BCAS3: variants seen among roughly 807,000 people sequenced by gnomAD.
BCAS3 encodes BCAS3 microtubule associated cell migration factor, also known as BCAS4/BCAS3 fusion.
Under a neutral mutation model 116.1 loss-of-function variants are expected in BCAS3, and 53 were observed. The ratio of observed to expected loss-of-function variants is 0.46; its 90% CI spans 0.37 to 0.57. The LOEUF is 0.57. Among genes scored for constraint, BCAS3 ranks in the 20% least tolerant of loss-of-function variants. The probability of loss-of-function intolerance (pLI) is 0.00; values close to 1 mark genes in which losing one functional copy is unlikely to be tolerated. For missense variants in BCAS3, 917 were observed against 1,165.4 expected (o/e 0.79, Z 3.10); for synonymous variants, 391 against 408.2 (o/e 0.96, Z 0.51).
At chr17:61,146,719 A>AGATT (rs2077236561) in intron 22 of BCAS3, among the ~76,000 whole-genome samples, 1 of 152,168 alleles carries the variant, frequency 6.6e-6, no homozygotes. Context: ...TAAAAAGATG[A>AGATT]GATTGTAAGT....
intron 22 of BCAS3, among the ~76,000 whole-genome samples, chr17:61,176,140 A>G (rs1013255434): frequency 5.3e-5 from 7 of 132,496 alleles, no homozygotes; most frequent in Admixed American, 7.2e-5. Context: ...CCCTATCTCA[A>G]AAAAAAAAAA....
rs1568702881 is a variant in BCAS3 at position 61,265,697 on chromosome 17, T to TG, written c.2426-102630_2426-102629insG. The stretch of plus-strand genomic sequence containing the variant: ...AACTATGTAACACCATCATTCTTTT[T>TG]TCCCCCCCATCAAGTAGTATATCTG... On this transcript the variant is annotated intron_variant, in intron 22 of 23. Transcript: ENST00000407086. This position sits in a 1 kb window ranked among gnomAD's most constrained non-coding sequence, Gnocchi z 4.3. Among the ~76,000 whole-genome samples, 1 of 81,052 alleles carries TG rather than the reference T, an allele frequency of 1.2e-5. No individual in the cohort carries two copies. The highest frequency in any genetic ancestry group is 5.6e-4 in the East Asian group (1 of 1,772). 53.2% of individuals were successfully genotyped at this position (81,052 alleles called of 152,430 possible). A position where few individuals can be genotyped will look rare whatever the true frequency, so the allele number is the denominator to read the frequency against.
chr17:61,163,556 A>G (rs2078295878), intron 22 of BCAS3, among the ~76,000 whole-genome samples: 1 of 152,176 alleles, frequency 6.6e-6, no homozygotes, highest in Non-Finnish European at 1.5e-5. Context: ...GATCTGAAGT[A>G]TAATTACAGT....
chr17:60,959,543 A>G (rs1005478160), intron 14 of BCAS3, among the ~76,000 whole-genome samples: 2 of 152,198 alleles, frequency 1.3e-5, no homozygotes, highest in Admixed American at 1.3e-4. Context: ...TATTTCATAC[A>G]TTGCTGTTGG....
intron 7 of BCAS3, among the ~76,000 whole-genome samples, chr17:60,859,100 A>C (rs2053932776): frequency 6.6e-6 from 1 of 152,224 alleles, no homozygotes; most frequent in Non-Finnish European, 1.5e-5. Flanking sequence ...TGACATTAAA[A>C]TTAAACATTA....
Position 61,180,987 on chromosome 17 carries a change from G to T in BCAS3, c.2425+96423G>T, listed in dbSNP as rs1239848136. Among the ~76,000 whole-genome samples, 1 of 152,110 alleles carries T rather than the reference G, an allele frequency of 6.6e-6. No individual in the cohort carries two copies. The highest frequency in any genetic ancestry group is 6.5e-5 in the Admixed American group (1 of 15,280). ...AATCTTAGCACTTTGGGAGGCTGGGGTGGGGGGATCACTTGAGCCCAAGAG... is the reference window on the plus strand; with the variant it reads ...AATCTTAGCACTTTGGGAGGCTGGGTTGGGGGGATCACTTGAGCCCAAGAG... On this transcript the variant is annotated intron_variant, in intron 22 of 23. Coordinates refer to ENST00000407086, the MANE Select transcript of BCAS3 (RefSeq NM_017679.5). This position sits in a 1 kb window ranked among gnomAD's most constrained non-coding sequence, Gnocchi z 6.0.
intron 5 of BCAS3, among the ~76,000 whole-genome samples, chr17:60,731,406 T>A (rs908275703): frequency 6.6e-6 from 1 of 152,102 alleles, no homozygotes; most frequent in Non-Finnish European, 1.5e-5. Flanking sequence ...AGAGATGGGG[T>A]TTCGCCATGT....
chr17:61,030,989 A>G (rs1441491294), intron 16 of BCAS3, among the ~76,000 whole-genome samples: 1 of 152,022 alleles, frequency 6.6e-6, no homozygotes, highest in African/African-American at 2.4e-5. Context: ...TAATCAATAC[A>G]GTTAAACTTT....
chr17:61,255,699 A>G (rs1190952069), intron 22 of BCAS3, among the ~76,000 whole-genome samples: 1 of 152,206 alleles, frequency 6.6e-6, no homozygotes, highest in Non-Finnish European at 1.5e-5. Flanking sequence ...GGAAGCCTAG[A>G]CTATTTCTTC....
chr17:61,017,471 A>G lies in BCAS3; in HGVS notation c.1637+1570A>G, dbSNP rs1833226247. ...ACCATCCTCAAAATTGTTTCTCTGT[A>G]ATTTAATTTTATATTCAGAGTGAGG... On this transcript the variant is annotated intron_variant, in intron 16 of 23. Transcript: ENST00000407086. This position sits in a 1 kb window ranked among gnomAD's most constrained non-coding sequence, Gnocchi z 4.7. Among the ~76,000 whole-genome samples, 1 of 152,136 alleles carries G rather than the reference A, an allele frequency of 6.6e-6. No homozygotes were observed. The highest frequency in any genetic ancestry group is 6.6e-5 in the Admixed American group (1 of 15,258).
At position 61,014,385 on chromosome 17, in the gene BCAS3, A is replaced by G. The variant is rs551544479; in HGVS notation, c.1487-1366A>G. On this transcript the variant is annotated intron_variant, in intron 15 of 23. Transcript: ENST00000407086. The stretch of plus-strand genomic sequence containing the variant: ...GGTGAAAGGCTACACACATAGATCA[A>G]TGGAACACATGGATCAATGCAGGAA... 5.3e-5 allele frequency among the ~76,000 whole-genome samples: 8 copies of G among 152,294 alleles called. No individual in the cohort carries two copies. The South Asian group carries it at 1.7e-3, about 32-fold the overall frequency.
rs1158835912 is a variant in BCAS3, at chr17:60,779,391, C to G, written c.404-28613C>G. On this transcript the variant is annotated intron_variant, in intron 6 of 23. Coordinates refer to ENST00000407086, the MANE Select transcript of BCAS3 (RefSeq NM_017679.5). Reference sequence around the variant, plus strand: ...CTTTCTTTTTTTTTTTTTTTTGAGGCGGAGCTTTGCCCTTATTGCCCAGGC... The same window carrying G: ...CTTTCTTTTTTTTTTTTTTTTGAGGGGGAGCTTTGCCCTTATTGCCCAGGC... 1.2e-4 allele frequency among the ~76,000 whole-genome samples: 16 copies of G among 137,458 alleles called. No individual in the cohort carries two copies. The East Asian group carries it at 3.3e-3, about 28-fold the overall frequency. 90.2% of individuals were successfully genotyped at this position (137,458 alleles called of 152,430 possible).
rs1403483060 is a variant in BCAS3, at chr17:61,131,668, T to C, written c.2425+47104T>C. ...CAGCCTGTAGTGGTCTGCACTTCTC[T>C]GTTTTTCTTTCCCTGAGAGTGCTGA... On this transcript the variant is annotated intron_variant, in intron 22 of 23. Coordinates refer to ENST00000407086, the MANE Select transcript of BCAS3 (RefSeq NM_017679.5). The surrounding 1 kb of genome is among the most constrained non-coding windows in gnomAD (Gnocchi z 4.4). 6.6e-6 allele frequency among the ~76,000 whole-genome samples: 1 copy of C among 152,224 alleles called. No homozygotes were observed. Among genetic ancestry groups the C allele is most frequent in the African/African-American group, 2.4e-5 (1 of 41,470 alleles).
intron 17 of BCAS3, among the ~76,000 whole-genome samples, chr17:61,036,885 A>T (rs529398944): frequency 6.6e-6 from 1 of 152,306 alleles, no homozygotes; most frequent in South Asian, 2.1e-4. Context: ...ATGCACATGC[A>T]TGCCTGTGTA....
chr17:61,085,353 A>T (rs1289732896), intron 22 of BCAS3, among the ~76,000 whole-genome samples: 1 of 152,224 alleles, frequency 6.6e-6, no homozygotes, highest in Non-Finnish European at 1.5e-5. Flanking sequence ...TTAGTCAAAC[A>T]GTTGAGTCAG....
intron 22 of BCAS3, among the ~76,000 whole-genome samples, chr17:61,210,525 T>G (rs569040826): frequency 5.9e-5 from 9 of 152,340 alleles, no homozygotes; most frequent in Non-Finnish European, 1.3e-4. Context: ...CTTTCCCAGC[T>G]CATGCCTAGT....
chr17:61,212,895 G>C (rs1007110517), intron 22 of BCAS3, among the ~76,000 whole-genome samples: 15 of 152,072 alleles, frequency 9.9e-5, no homozygotes, highest in African/African-American at 3.6e-4. Context: ...TGGAAAATTT[G>C]CCTGTATCTA....
rs533515914 is a variant in BCAS3, at chr17:60,802,371, C to CATATATATATATATATATAT, written c.404-5615_404-5614insATATATATATATATATATAT. Among the ~76,000 whole-genome samples, 135 of 111,916 alleles carry CATATATATATATATATATAT rather than the reference C, an allele frequency of 1.2e-3. 1 individual carries two copies. The highest frequency in any genetic ancestry group is 5.0e-3 in the African/African-American group (134 of 26,598). The allele number at this position is 111,916 out of a possible 152,430, so 73.4% of individuals were successfully genotyped here. Reference sequence around the variant, plus strand: ...ATACACACACATACATACATACATACATATATATATATATATATCCCCTTG... The same window carrying CATATATATATATATATATAT: ...ATACACACACATACATACATACATACATATATATATATATATATATATATATATATATATATATCCCCTTG... On this transcript the variant is annotated intron_variant, in intron 6 of 23. Coordinates refer to ENST00000407086, the MANE Select transcript of BCAS3 (RefSeq NM_017679.5).
chr17:60,789,065 G>A (rs1260345132), intron 6 of BCAS3, among the ~76,000 whole-genome samples: 1 of 152,134 alleles, frequency 6.6e-6, no homozygotes, highest in Non-Finnish European at 1.5e-5. Flanking sequence ...TGGTTTAAAT[G>A]ATAAATTTAG....
Sources: allele counts gnomAD v4.1 joint callset (sites outside exome capture counted in the v4.1 genomes callset), GRCh38; gene constraint gnomAD v4.1.1; non-coding constraint Gnocchi (gnomAD v3.1); transcripts MANE v1.5; gene names NCBI Gene and HGNC (gene_info 2026-07-23, HGNC 2026-07-21).